ERCC5: variants seen among roughly 807,000 people sequenced by gnomAD.
ERCC5 encodes DNA excision repair protein ERCC-5.
ERCC5 carries 68 observed loss-of-function variants against 105.6 expected under a neutral mutation model. The ratio of observed to expected loss-of-function variants is 0.64; its 90% CI spans 0.53 to 0.79. The LOEUF (loss-of-function observed/expected upper bound fraction) is 0.79. Among genes scored for constraint, ERCC5 ranks in the 30% least tolerant of loss-of-function variants. ERCC5 has a pLI of 0.00. For missense variants in ERCC5, 1,373 were observed against 1,426.7 expected (o/e 0.96, Z 0.61); for synonymous variants, 546 against 526.2 (o/e 1.04, Z -0.51).
At chr13:102,847,141 C>G (rs7325708) in intron 1 of ERCC5, among the ~76,000 whole-genome samples, 37,618 of 151,998 alleles carry the variant, frequency 0.25, 5,196 homozygotes, top group East Asian at 0.4. Flanking sequence ...ATAGTGTGGA[C>G]AGGTGTTTTA....
Position 102,862,620 on chromosome 13 carries a change from G to A in ERCC5, c.1471G>A (p.Glu491Lys). 1 of 1,614,142 alleles carries A rather than the reference G, an allele frequency of 6.2e-7. No individual in the cohort carries two copies. The highest frequency in any genetic ancestry group is 8.5e-7 in the Non-Finnish European group (1 of 1,180,018). ...GACTGAAGCCTTTCCGATAAGTGATGAGTCTATGATTAAGGACAGAAAAGA... is the reference window on the plus strand; with the variant it reads ...GACTGAAGCCTTTCCGATAAGTGATAAGTCTATGATTAAGGACAGAAAAGA... ...VGTEAFPISD[E>K]SMIKDRKDRL... is the part of the protein sequence containing the mutation. The change falls in exon 8 of 15, where the codon GAG (glutamate) becomes AAG (lysine). Residue 491 changes from glutamate to lysine, a missense_variant. Coordinates refer to ENST00000652225, the MANE Select transcript of ERCC5 (RefSeq NM_000123.4).
rs761058720 is a variant in ERCC5 at position 102,866,790 on chromosome 13, T to A, written c.2478T>A (p.Phe826Leu). The A allele has an allele frequency of 7.8e-5, 126 of 1,614,052 alleles. No homozygotes were observed. The highest frequency in any genetic ancestry group is 9.8e-5 in the Non-Finnish European group (116 of 1,179,996). The change falls in exon 11 of 15, where the codon TTT becomes TTA. Residue 826 changes from phenylalanine to leucine, a missense_variant. Around this residue, in one of 3 missense-constraint regions of ERCC5, gnomAD observed 1,004 missense variants for 1,059.7 expected, o/e 0.95. Transcript: ENST00000652225. ...CGCGGCATGTCTATAGAAACTTTTT[T>A]AATAAAAACAAGTTTGTAGAATATT... ...FGARHVYRNF[F>L]NKNKFVEYYQ...
Position 102,866,265 on chromosome 13 carries a change from G to A in ERCC5, c.2203G>A (p.Glu735Lys), listed in dbSNP as rs1408773974. 16 of 1,614,162 alleles carry A rather than the reference G, an allele frequency of 9.9e-6. No homozygotes were observed. Among genetic ancestry groups the A allele is most frequent in the Admixed American group, 5.0e-5 (3 of 60,022 alleles). The change falls in exon 10 of 15, where the codon GAG becomes AAG. Residue 735 changes from glutamate to lysine, a missense_variant. By Grantham distance (56) the Glu-to-Lys change is moderately conservative. Around this residue, in one of 3 missense-constraint regions of ERCC5, gnomAD observed 1,004 missense variants for 1,059.7 expected, o/e 0.95. Transcript: ENST00000652225. ...TAAATGAAAAAACATTTTATAGGAG[G>A]AGTTGGAAACTCTGGAGAGCAACCT... The part of the protein sequence containing the change: ...LHEWQDINLE[E>K]LETLESNLLA...
chr13:102,861,839 T>A, intron 7 of ERCC5, 125 bp downstream of exon 7: 5 of 1,337,634 alleles, frequency 3.7e-6, no homozygotes, highest in Middle Eastern at 2.3e-4. Context: ...AACTGTATAC[T>A]GCTATTAATG....
Position 102,862,948 on chromosome 13 carries a change from T to C in ERCC5, c.1799T>C (p.Val600Ala). The C allele has an allele frequency of 6.2e-7, 1 of 1,614,246 alleles. No homozygotes were observed. Among genetic ancestry groups the C allele is most frequent in the Non-Finnish European group, 8.5e-7 (1 of 1,180,044 alleles). ...GTCCCTTCAGAGGCAGTAGATAATG[T>C]GGAAAATGTGGTGTCATTTAATGCT... ...VSVPSEAVDN[V>A]ENVVSFNAKE... Residue 600 changes from valine (V) to alanine (A), a missense_variant, in exon 8 of 15, where the codon GTG (valine) becomes GCG (alanine). Val to Ala is a moderately conservative substitution (Grantham distance 64, BLOSUM62 0). This residue lies in a region of ERCC5 where 1,004 missense variants were observed against 1,059.7 expected (regional missense o/e 0.95). Transcript: ENST00000652225.
chr13:102,852,022 G>A, intron 1 of ERCC5, 96 bp from the exon 2 acceptor site: 6 of 1,334,358 alleles, frequency 4.5e-6, no homozygotes, highest in Non-Finnish European at 6.4e-6. Context: ...TAAGTATTTA[G>A]TGTTCAACGT....
rs775348948 is a variant in ERCC5, at chr13:102,873,264, G to A, written c.2885G>A (p.Cys962Tyr). ...KPDLDKIREF[C>Y]QRYFGWNRTK... ...TAAGTCTTAACTGCATGCATATTTT[G>A]TCAGCGGTATTTCGGCTGGAACAGA... Residue 962 changes from cysteine to tyrosine, a missense_variant, in exon 14 of 15, where the codon TGT (cysteine) becomes TAT (tyrosine). Cys to Tyr is a radical substitution (Grantham distance 194). Around this residue, in one of 3 missense-constraint regions of ERCC5, gnomAD observed 367 missense variants for 350.2 expected, o/e 1.05. Transcript: ENST00000652225. The A allele has an allele frequency of 9.3e-6, 15 of 1,613,950 alleles. No individual in the cohort carries two copies. The highest frequency in any genetic ancestry group is 2.2e-5 in the South Asian group (2 of 91,086).
intron 11 of ERCC5, 109 bp from the exon 12 acceptor site, chr13:102,868,004 G>T (rs1882902160): frequency 9.8e-7 from 1 of 1,020,308 alleles, no homozygotes; most frequent in South Asian, 1.6e-5. Context: ...ATTTTTGGTG[G>T]TTGGATATAG....
At chr13:102,852,429 C>T in intron 2 of ERCC5, 136 bp downstream of exon 2, 1 of 978,566 alleles carries the variant, frequency 1.0e-6, no homozygotes, top group Non-Finnish European at 1.5e-6. Flanking sequence ...TTAATTACAT[C>T]TACTTTTTTA....
intron 6 of ERCC5, 91 bp downstream of exon 6, chr13:102,858,509 T>TA (rs1163158755): frequency 7.7e-6 from 12 of 1,551,136 alleles, no homozygotes; most frequent in Non-Finnish European, 9.8e-6. Context: ...AAGCAATACT[T>TA]ACACGATATC....
intron 1 of ERCC5, among the ~76,000 whole-genome samples, chr13:102,848,940 C>T (rs1882086400): frequency 6.6e-6 from 1 of 152,056 alleles, no homozygotes; most frequent in South Asian, 2.1e-4. Flanking sequence ...GAATTTTAGG[C>T]CCATGGGGTT....
At chr13:102,857,926 C>CATTT (rs1294698753) in intron 5 of ERCC5, among the ~76,000 whole-genome samples, 2 of 152,018 alleles carry the variant, frequency 1.3e-5, no homozygotes, top group African/African-American at 2.4e-5. Context: ...TTATCTTGTT[C>CATTT]ATTTATTTAT....
At chr13:102,850,289 A>G (rs12870541) in intron 1 of ERCC5, among the ~76,000 whole-genome samples, 9,068 of 152,088 alleles carry the variant, frequency 0.06, 381 homozygotes, top group Middle Eastern at 0.095. Context: ...TGAGGAGGGG[A>G]CCCCTGGACT....
chr13:102,852,122 T>C lies in ERCC5; in HGVS notation c.93T>C (p.Ile31=). 1.2e-6 allele frequency: 2 copies of C among 1,614,040 alleles called. No homozygotes were observed. Among genetic ancestry groups the C allele is most frequent in the Non-Finnish European group, 1.7e-6 (2 of 1,179,992 alleles). The part of the protein sequence containing the change: ...ALEGKILAVD[I]SIWLNQALKG... ...TTCCATTAACAATTCTCCCAGATATTAGCATTTGGTTAAACCAAGCACTTA... is the reference window on the plus strand; with the variant it reads ...TTCCATTAACAATTCTCCCAGATATCAGCATTTGGTTAAACCAAGCACTTA... Residue 31 remains isoleucine, a synonymous_variant, in exon 2 of 15, where the codon ATT becomes ATC. Transcript: ENST00000652225.
chr13:102,859,073 CA>C (rs1252936367), intron 6 of ERCC5: 1 of 339,236 alleles, frequency 2.9e-6, no homozygotes, highest in East Asian at 8.2e-5. Context: ...TGGGTGCTAG[CA>C]AATGTGTCTC....
chr13:102,862,897 T>C lies in ERCC5; in HGVS notation c.1748T>C (p.Leu583Ser), dbSNP rs1042473707. The C allele has an allele frequency of 6.2e-7, 1 of 1,614,132 alleles. No individual in the cohort carries two copies. Among genetic ancestry groups the C allele is most frequent in the Non-Finnish European group, 8.5e-7 (1 of 1,180,048 alleles). ...SASEVIGPVS[L>S]QETSSIVSVP... ...TCTGAAGTCATTGGCCCTGTCAGTT[T>C]GCAAGAAACAAGTAGCATAGTAAGT... The change falls in exon 8 of 15, where the codon TTG becomes TCG. Residue 583 changes from leucine to serine, a missense_variant. Physicochemically the swap from Leu to Ser is moderately radical, Grantham distance 145. Coordinates refer to ENST00000652225, the MANE Select transcript of ERCC5 (RefSeq NM_000123.4).
Position 102,871,999 on chromosome 13 carries a change from G to A in ERCC5, c.2679-199G>A, listed in dbSNP as rs4150358. On this transcript the variant is annotated intron_variant, in intron 12 of 14. Transcript: ENST00000652225. ...TGTGAAATATTTAACACAGTGCCAAGCACAGAGGAAGACTTCCATAAATGT... is the reference window on the plus strand; with the variant it reads ...TGTGAAATATTTAACACAGTGCCAAACACAGAGGAAGACTTCCATAAATGT... Among the ~76,000 whole-genome samples, 6,645 of 152,246 alleles carry A rather than the reference G, an allele frequency of 0.044. 159 individuals are homozygous for A. The highest frequency in any genetic ancestry group is 0.071 in the Middle Eastern group (21 of 294).
In ERCC5 at chr13:102,865,252, A is replaced by T; in HGVS notation, c.1955-415A>T. ...GAGGAGAGAAGGGAAGTGGAAGAGG[A>T]AGAACTATTTCTTAGTCACAGCTTT... On this transcript the variant is annotated intron_variant, in intron 8 of 14. Transcript: ENST00000652225. This position sits in a 1 kb window ranked among gnomAD's most constrained non-coding sequence, Gnocchi z 4.0. 4.1e-6 allele frequency: 1 copy of T among 241,916 alleles called. No homozygotes were observed. The highest frequency in any genetic ancestry group is 8.2e-6 in the Non-Finnish European group (1 of 122,596). 15.0% of individuals were successfully genotyped at this position (241,916 alleles called of 1,614,324 possible).
chr13:102,871,192 A>G (rs7323359), intron 12 of ERCC5, among the ~76,000 whole-genome samples: 151,952 of 152,256 alleles, frequency 1, 75,826 homozygotes, highest in Middle Eastern at 1. Flanking sequence ...TGGCTTCCTC[A>G]TAGCATGTTG....
Sources: allele counts gnomAD v4.1 joint callset (sites outside exome capture counted in the v4.1 genomes callset), GRCh38; gene constraint gnomAD v4.1.1; regional missense constraint gnomAD v4.1.1; non-coding constraint Gnocchi (gnomAD v3.1); transcripts MANE v1.5; gene names NCBI Gene and HGNC (gene_info 2026-07-23, HGNC 2026-07-21).